Variants in PLEKHM3 observed in about 807,000 individuals in gnomAD.
The protein encoded by PLEKHM3 is pleckstrin homology domain-containing family M member 3.
PLEKHM3 carries 45 observed loss-of-function variants against 81.8 expected under a neutral mutation model. The observed-to-expected ratio is 0.55, with a 90% CI of 0.43 to 0.71. PLEKHM3 has a LOEUF of 0.71. Among genes scored for constraint, PLEKHM3 ranks in the 30% least tolerant of loss-of-function variants. The pLI is 0.00. For synonymous variants in PLEKHM3, 352 were observed against 356.4 expected (o/e 0.99, Z 0.14); for missense variants, 788 against 924.3 (o/e 0.85, Z 1.91).
intron 6 of PLEKHM3, among the ~76,000 whole-genome samples, chr2:207,880,817 A>T: frequency 6.9e-6 from 1 of 144,476 alleles, no homozygotes; most frequent in Non-Finnish European, 1.5e-5. Flanking sequence ...AAAAAAAAAC[A>T]AAAAAACAAA....
chr2:207,835,125 A>G (rs1440669693), intron 7 of PLEKHM3, among the ~76,000 whole-genome samples: 1 of 151,602 alleles, frequency 6.6e-6, no homozygotes. Context: ...TTGTATTTTT[A>G]GTAGAGACGG....
chr2:207,912,657 T>C (rs1417648014), intron 5 of PLEKHM3, among the ~76,000 whole-genome samples: 4 of 152,218 alleles, frequency 2.6e-5, no homozygotes, highest in South Asian at 2.1e-4. Context: ...TGGGAATAAA[T>C]TTCCTGAGAG....
chr2:207,826,807 C>T lies in PLEKHM3; in HGVS notation c.*1512G>A, dbSNP rs2021858. 34,096 of 152,064 alleles carry T rather than the reference C, an allele frequency of 0.22. 4,469 individuals are homozygous for T. The highest frequency in any genetic ancestry group is 0.55 in the East Asian group (2,857 of 5,170). 9.4% of individuals were successfully genotyped at this position (152,064 alleles called of 1,614,324 possible). On this transcript the variant is annotated 3_prime_UTR_variant, in exon 8 of 8. Coordinates refer to ENST00000427836, the MANE Select transcript of PLEKHM3 (RefSeq NM_001080475.3). ...GAAGACATAGAAGGCATCTGCTCAG[C>T]GCGAAAGCTACAGAATCTTCTCATA...
At chr2:207,846,225 T>C (rs1178248614) in intron 7 of PLEKHM3, among the ~76,000 whole-genome samples, 1 of 152,016 alleles carries the variant, frequency 6.6e-6, no homozygotes, top group East Asian at 2.0e-4. Context: ...TCACTGCAAC[T>C]TCCGCCTCCT....
At chr2:207,936,130 G>A (rs992970823) in intron 4 of PLEKHM3, among the ~76,000 whole-genome samples, 1 of 152,184 alleles carries the variant, frequency 6.6e-6, no homozygotes, top group African/African-American at 2.4e-5. Flanking sequence ...AGGACTACGT[G>A]TGCATGACAC....
At chr2:207,851,035 C>A (rs1040003563) in intron 7 of PLEKHM3, among the ~76,000 whole-genome samples, 7 of 151,956 alleles carry the variant, frequency 4.6e-5, no homozygotes, top group African/African-American at 1.7e-4. Flanking sequence ...CACCTGTAAT[C>A]CCAGCTACTA....
intron 4 of PLEKHM3, among the ~76,000 whole-genome samples, chr2:207,935,582 A>C (rs1440171373): frequency 6.6e-6 from 1 of 152,226 alleles, no homozygotes; most frequent in Non-Finnish European, 1.5e-5. Flanking sequence ...CATGGAATAC[A>C]CTTTGAGAAA....
intron 5 of PLEKHM3, among the ~76,000 whole-genome samples, chr2:207,923,905 ATT>A (rs869041855): frequency 0.025 from 694 of 28,206 alleles, 13 homozygotes; most frequent in African/African-American, 0.057. Flanking sequence ...ATATATATAT[ATT>A]TTTTTTTTTT....
At chr2:207,981,978 T>C (rs895227637) in intron 2 of PLEKHM3, among the ~76,000 whole-genome samples, 5 of 152,204 alleles carry the variant, frequency 3.3e-5, no homozygotes, top group African/African-American at 1.2e-4. Flanking sequence ...GATTTTCTTC[T>C]ACCTCTGCCA....
intron 7 of PLEKHM3, among the ~76,000 whole-genome samples, chr2:207,847,479 C>A (rs2092390178): frequency 6.6e-6 from 1 of 152,206 alleles, no homozygotes; most frequent in Non-Finnish European, 1.5e-5. Flanking sequence ...CAAATTCCAT[C>A]TGGGGAGTCA....
chr2:207,841,116 C>G (rs1056823410), intron 7 of PLEKHM3, among the ~76,000 whole-genome samples: 1 of 151,784 alleles, frequency 6.6e-6, no homozygotes, highest in Non-Finnish European at 1.5e-5. Context: ...CAACTCTTTA[C>G]GTATTTAAAA....
At chr2:207,877,264 A>G (rs1323441091) in intron 6 of PLEKHM3, among the ~76,000 whole-genome samples, 1 of 152,196 alleles carries the variant, frequency 6.6e-6, no homozygotes, top group Non-Finnish European at 1.5e-5. Context: ...CTGAGGGTTG[A>G]GGGCAGACAG....
chr2:207,898,947 G>A (rs542683730), intron 6 of PLEKHM3, among the ~76,000 whole-genome samples: 1 of 152,256 alleles, frequency 6.6e-6, no homozygotes, highest in African/African-American at 2.4e-5. Context: ...GAGCAAATGT[G>A]TTGATGGTTC....
chr2:207,841,495 A>ATATATATATATATATG, intron 7 of PLEKHM3, among the ~76,000 whole-genome samples: 1 of 119,252 alleles, frequency 8.4e-6, no homozygotes, highest in African/African-American at 3.2e-5. Flanking sequence ...ATATATATAT[A>ATATATATATATATATG]TATATATATA....
chr2:207,845,600 A>G (rs1475480627), intron 7 of PLEKHM3, among the ~76,000 whole-genome samples: 6 of 152,252 alleles, frequency 3.9e-5, no homozygotes, highest in Non-Finnish European at 2.9e-5. Context: ...AACATATGAT[A>G]AGGATGTAAG....
chr2:207,930,409 T>C (rs1463741499), intron 5 of PLEKHM3, among the ~76,000 whole-genome samples: 6 of 152,022 alleles, frequency 3.9e-5, no homozygotes, highest in African/African-American at 1.2e-4. Flanking sequence ...AGAATGAGTC[T>C]CTGTCTCTAT....
chr2:207,926,983 T>C (rs1198279959), intron 5 of PLEKHM3, among the ~76,000 whole-genome samples: 3 of 152,250 alleles, frequency 2.0e-5, no homozygotes. Flanking sequence ...TATATGGTGC[T>C]GACAGGTCTT....
At chr2:207,931,792 G>A (rs1689607165) in intron 4 of PLEKHM3, among the ~76,000 whole-genome samples, 1 of 152,070 alleles carries the variant, frequency 6.6e-6, no homozygotes, top group East Asian at 1.9e-4. Context: ...GGCCGACATG[G>A]CGAAACCCCG....
intron 1 of PLEKHM3, among the ~76,000 whole-genome samples, chr2:208,006,793 C>T (rs1475005832): frequency 6.6e-6 from 1 of 152,114 alleles, no homozygotes; most frequent in Non-Finnish European, 1.5e-5. Flanking sequence ...GTATAGAATG[C>T]CCTTTCTGTA....
Sources: gnomAD v4.1 joint callset for allele counts (sites outside exome capture counted in the v4.1 genomes callset) on GRCh38, gnomAD v4.1.1 for gene constraint, MANE v1.5 for transcripts, NCBI Gene and HGNC (gene_info 2026-07-23, HGNC 2026-07-21) for gene names.